Variants in BICRAL observed in about 807,000 individuals in gnomAD.
BICRAL encodes BRD4-interacting chromatin-remodeling complex-associated protein-like.
In BICRAL, 8 loss-of-function variants were observed where a neutral mutation model predicts 91.8. That is an observed-to-expected ratio of 0.09 (90% CI 0.05 to 0.16). The LOEUF (loss-of-function observed/expected upper bound fraction) is 0.16, where lower values mean the gene tolerates loss of function less well. BICRAL is among the 10% of genes least tolerant of loss of function. The pLI is 1.00. For missense variants in BICRAL, 1,038 were observed against 1,310.9 expected (o/e 0.79, Z 3.21); for synonymous variants, 445 against 491.1 (o/e 0.91, Z 1.24).
rs578139735 is a variant in BICRAL, at chr6:42,815,978, CTG to C, written c.-6+5579_-6+5580del. On this transcript the variant is annotated intron_variant, in intron 2 of 12. Coordinates refer to ENST00000314073, the MANE Select transcript of BICRAL (RefSeq NM_001393499.1). ...TAGCCTGGGCAACAAGAGAGAAACT[CTG>C]TCTCAAAAAAAAAAAAAAAAAAAAA... 7.4e-3 allele frequency among the ~76,000 whole-genome samples: 819 copies of C among 111,042 alleles called. 5 individuals carry two copies. The highest frequency in any genetic ancestry group is 0.025 in the African/African-American group (710 of 28,024). 72.8% of individuals were successfully genotyped at this position (111,042 alleles called of 152,430 possible).
At chr6:42,816,246 G>A (rs1763992676) in intron 2 of BICRAL, among the ~76,000 whole-genome samples, 1 of 151,300 alleles carries the variant, frequency 6.6e-6, no homozygotes, top group South Asian at 2.1e-4. Context: ...GGGCACTGTA[G>A]CATACACCTG....
At chr6:42,835,273 C>T (rs978951819) in intron 6 of BICRAL, among the ~76,000 whole-genome samples, 10 of 152,052 alleles carry the variant, frequency 6.6e-5, no homozygotes, top group Non-Finnish European at 1.2e-4. Flanking sequence ...GGATTACAGG[C>T]GTGCGCCACC....
chr6:42,781,613 G>C (rs1762911490), upstream of BICRAL, among the ~76,000 whole-genome samples: 1 of 149,812 alleles, frequency 6.7e-6, no homozygotes, highest in South Asian at 2.1e-4. Context: ...GTGTGTGTGT[G>C]TGTGTGTGTG....
At position 42,865,463 on chromosome 6, in the gene BICRAL, C is replaced by T. The variant is rs773062710; in HGVS notation, c.*17C>T. On this transcript the variant is annotated 3_prime_UTR_variant, in exon 13 of 13. Coordinates refer to ENST00000314073, the MANE Select transcript of BICRAL (RefSeq NM_001393499.1). Reference sequence around the variant, plus strand: ...GAGTGTTAATAGCAGCAGTCCTCCCCCTACCCCGCCCCGAGACCCCACCCC... The same window carrying T: ...GAGTGTTAATAGCAGCAGTCCTCCCTCTACCCCGCCCCGAGACCCCACCCC... The T allele has an allele frequency of 1.3e-6, 2 of 1,523,248 alleles. No individual in the cohort carries two copies. Among genetic ancestry groups the T allele is most frequent in the Non-Finnish European group, 1.8e-6 (2 of 1,106,930 alleles). The allele number at this position is 1,523,248 out of a possible 1,614,324, so 94.4% of individuals were successfully genotyped here. A position where few individuals can be genotyped will look rare whatever the true frequency, so the allele number is the denominator to read the frequency against.
intron 1 of BICRAL, among the ~76,000 whole-genome samples, chr6:42,759,635 CA>C (rs1390395455): frequency 1.3e-5 from 2 of 152,162 alleles, no homozygotes; most frequent in Non-Finnish European, 2.9e-5. Flanking sequence ...AGGTTTGGAG[CA>C]AGCTGGTAGG....
At chr6:42,755,410 T>A (rs188158818) in intron 1 of BICRAL, among the ~76,000 whole-genome samples, 33 of 152,270 alleles carry the variant, frequency 2.2e-4, no homozygotes, top group African/African-American at 7.5e-4. Context: ...CAGCCCCTCA[T>A]GCATTTCCTA....
upstream of BICRAL, among the ~76,000 whole-genome samples, chr6:42,746,771 G>A (rs1393489583): frequency 2.0e-5 from 3 of 151,808 alleles, no homozygotes; most frequent in African/African-American, 4.8e-5. Flanking sequence ...CTGGATCCCC[G>A]CAGGCAGTTA....
rs73733757 is a variant in BICRAL at position 42,868,528 on chromosome 6, A to G, written c.*3082A>G. The G allele has an allele frequency of 1.7e-3, 266 of 152,772 alleles. 2 individuals carry two copies. The highest frequency in any genetic ancestry group is 6.0e-3 in the African/African-American group (250 of 41,574). 9.5% of individuals were successfully genotyped at this position (152,772 alleles called of 1,614,324 possible). ...TTGGAGATTACAAATTGAAACAACC[A>G]TTGCAATACAGCCAAAGATTTGGGA... On this transcript the variant is annotated 3_prime_UTR_variant, in exon 13 of 13. Transcript: ENST00000314073.
intron 1 of BICRAL, among the ~76,000 whole-genome samples, chr6:42,765,905 A>G (rs1762627529): frequency 6.6e-6 from 1 of 152,076 alleles, no homozygotes; most frequent in African/African-American, 2.4e-5. Context: ...AATCGTTTAA[A>G]AAGAGGAAAA....
rs190068780 is a variant in BICRAL, at chr6:42,815,532, G to C, written c.-6+5131G>C. 7.0e-4 allele frequency among the ~76,000 whole-genome samples: 107 copies of C among 152,060 alleles called. 2 individuals are homozygous for C. Among genetic ancestry groups the C allele is most frequent in the Admixed American group, 3.3e-3 (50 of 15,264 alleles). ...AGGCAAAACTGATTTGCTGAACTGG[G>C]TTTCCTGAAATATCTGTTCTTGCAA... On this transcript the variant is annotated intron_variant, in intron 2 of 12. Coordinates refer to ENST00000314073, the MANE Select transcript of BICRAL (RefSeq NM_001393499.1).
At chr6:42,856,999 T>C (rs1765380125) in intron 9 of BICRAL, 92 bp from the exon 10 acceptor site, 1 of 1,076,658 alleles carries the variant, frequency 9.3e-7, no homozygotes, top group African/African-American at 1.6e-5. Flanking sequence ...ATTATTCCTA[T>C]ATATCTTATT....
chr6:42,855,138 A>G (rs1157599619), intron 8 of BICRAL, among the ~76,000 whole-genome samples: 1 of 152,192 alleles, frequency 6.6e-6, no homozygotes, highest in East Asian at 1.9e-4. Flanking sequence ...GTTAGATCAC[A>G]CACCTGGACT....
intron 1 of BICRAL, among the ~76,000 whole-genome samples, chr6:42,748,970 G>GA (rs1762333823): frequency 2.0e-5 from 3 of 152,150 alleles, no homozygotes; most frequent in Admixed American, 6.6e-5. Flanking sequence ...CATTACGGGG[G>GA]AAATGTAGCA....
At chr6:42,763,572 G>A (rs1762587864) in intron 1 of BICRAL, among the ~76,000 whole-genome samples, 1 of 152,184 alleles carries the variant, frequency 6.6e-6, no homozygotes, top group East Asian at 1.9e-4. Flanking sequence ...TGTAATTTCA[G>A]CACTTTGGGA....
intron 1 of BICRAL, among the ~76,000 whole-genome samples, chr6:42,801,471 A>G (rs968961575): frequency 1.3e-5 from 2 of 152,258 alleles, no homozygotes; most frequent in East Asian, 3.9e-4. Flanking sequence ...AGGAATGCAA[A>G]CGGCAGTGTC....
intron 1 of BICRAL, among the ~76,000 whole-genome samples, chr6:42,751,654 CTT>C (rs1190737893): frequency 4.3e-5 from 5 of 116,562 alleles, no homozygotes; most frequent in Non-Finnish European, 5.3e-5. Flanking sequence ...TCTTTCTTTT[CTT>C]TTTTTTTTTT....
intron 1 of BICRAL, among the ~76,000 whole-genome samples, chr6:42,802,968 T>C (rs1016519118): frequency 6.6e-6 from 1 of 152,162 alleles, no homozygotes; most frequent in Non-Finnish European, 1.5e-5. Context: ...TAAAGAAGTA[T>C]AAAAACATTT....
chr6:42,810,483 C>G (rs1763819882), intron 2 of BICRAL, 82 bp downstream of exon 2: 1 of 152,104 alleles, frequency 6.6e-6, no homozygotes, highest in South Asian at 2.1e-4. Flanking sequence ...TGAAGTCTTG[C>G]AATTTCAAAA....
chr6:42,764,310 G>A (rs1242848547), intron 1 of BICRAL, among the ~76,000 whole-genome samples: 1 of 151,870 alleles, frequency 6.6e-6, no homozygotes, highest in African/African-American at 2.4e-5. Context: ...CACTTTGGGA[G>A]GCGGAGGTGG....
Sources: allele counts gnomAD v4.1 joint callset (sites outside exome capture counted in the v4.1 genomes callset), GRCh38; gene constraint gnomAD v4.1.1; transcripts MANE v1.5; gene names NCBI Gene and HGNC (gene_info 2026-07-23, HGNC 2026-07-21).